Variants in CFAP46 observed in about 807,000 individuals in gnomAD.
CFAP46 encodes cilia- and flagella-associated protein 46.
CFAP46 carries 245 observed loss-of-function variants against 325.7 expected under a neutral mutation model. That is an observed-to-expected ratio of 0.75 (90% CI 0.68 to 0.84). CFAP46 has a LOEUF of 0.84. CFAP46 is among the 40% of genes least tolerant of loss of function. The pLI is 0.00. For missense variants in CFAP46, 3,346 were observed against 3,543.0 expected (o/e 0.94, Z 1.41); for synonymous variants, 1,523 against 1,495.9 (o/e 1.02, Z -0.42).
intron 44 of CFAP46, among the ~76,000 whole-genome samples, chr10:132,843,789 T>C (rs1848386946): frequency 2.9e-5 from 3 of 104,944 alleles, no homozygotes; most frequent in South Asian, 4.3e-4. Context: ...CAGGGTGCTG[T>C]GGGGCTCTGG....
intron 50 of CFAP46, among the ~76,000 whole-genome samples, chr10:132,821,673 T>G (rs1220154922): frequency 2.2e-5 from 3 of 139,436 alleles, no homozygotes; most frequent in East Asian, 4.6e-4. Context: ...GTGTGTGCTG[T>G]GTGTGCTGAT....
intron 41 of CFAP46, among the ~76,000 whole-genome samples, chr10:132,849,227 C>T (rs1380582311): frequency 2.6e-5 from 4 of 152,252 alleles, no homozygotes; most frequent in Non-Finnish European, 5.9e-5. Flanking sequence ...TTCTGGTCCA[C>T]ACCCACCCGC....
chr10:132,867,667 C>T (rs1466725616), intron 33 of CFAP46, among the ~76,000 whole-genome samples, 160 bp from the exon 34 acceptor site: 3 of 152,200 alleles, frequency 2.0e-5, no homozygotes, highest in South Asian at 2.1e-4. Context: ...ACGGCACATC[C>T]GACTCCCAAA....
At chr10:132,870,591 G>A (rs1403483391) in intron 32 of CFAP46, among the ~76,000 whole-genome samples, 3 of 152,176 alleles carry the variant, frequency 2.0e-5, no homozygotes, top group African/African-American at 4.8e-5. Context: ...GGTCTGCGCC[G>A]AAGATCAAAC....
In CFAP46 at chr10:132,866,977, C is replaced by T. The variant is rs543142786; in HGVS notation, c.4743+398G>A. ...CACCTTCTCTCAGCCTCTGCCCAGG[C>T]GCCCAGCAGGCCTGTTCCAGGGAGG... On this transcript the variant is annotated intron_variant, in intron 34 of 57. Coordinates refer to ENST00000368586, the MANE Select transcript of CFAP46 (RefSeq NM_001200049.3). Among the ~76,000 whole-genome samples the T allele has an allele frequency of 7.2e-5, 11 of 152,312 alleles. No homozygotes were observed. In the South Asian group the frequency reaches 8.3e-4, roughly 11 times the overall value.
At chr10:132,870,208 G>A (rs917827601) in intron 32 of CFAP46, among the ~76,000 whole-genome samples, 4 of 152,076 alleles carry the variant, frequency 2.6e-5, no homozygotes, top group South Asian at 2.1e-4. Flanking sequence ...TAAATGTCCC[G>A]TGGGCTCTGA....
At chr10:132,922,274 C>A in intron 12 of CFAP46, 50 bp from the exon 13 acceptor site, 1 of 1,523,878 alleles carries the variant, frequency 6.6e-7, no homozygotes, top group South Asian at 1.2e-5. Context: ...CTTTCCACAG[C>A]ACCTTCTCCA....
At chr10:132,937,393 C>T (rs1178781478) in intron 6 of CFAP46, 159 bp downstream of exon 6, 9 of 797,282 alleles carry the variant, frequency 1.1e-5, no homozygotes, top group Non-Finnish European at 9.9e-6. Context: ...GGATGAACTG[C>T]TATTTCTTTT....
intron 28 of CFAP46, 131 bp from the exon 29 acceptor site, chr10:132,879,762 C>T: frequency 1.1e-6 from 1 of 930,862 alleles, no homozygotes. Context: ...CTCCACTCTG[C>T]TGAGGGCCGG....
At chr10:132,845,965 G>A (rs1848427618) in intron 44 of CFAP46, 92 bp downstream of exon 44, 1 of 1,374,762 alleles carries the variant, frequency 7.3e-7, no homozygotes, top group Non-Finnish European at 9.8e-7. Context: ...GAGCAAGGCT[G>A]CCTCGCTCAG....
At chr10:132,837,026 T>C in intron 44 of CFAP46, 112 bp from the exon 45 acceptor site, 1 of 821,680 alleles carries the variant, frequency 1.2e-6, no homozygotes, top group Non-Finnish European at 2.0e-6. Context: ...GGGGGCTTTG[T>C]ACCCTTCCTG....
intron 11 of CFAP46, among the ~76,000 whole-genome samples, chr10:132,923,937 C>CAGGG (rs1849766959): frequency 6.6e-6 from 1 of 152,118 alleles, no homozygotes; most frequent in Non-Finnish European, 1.5e-5. Flanking sequence ...TAGAAAAATT[C>CAGGG]AGGGAGCCCC....
intron 44 of CFAP46, among the ~76,000 whole-genome samples, chr10:132,840,923 G>A (rs1848336451): frequency 1.3e-5 from 2 of 152,154 alleles, no homozygotes; most frequent in South Asian, 4.1e-4. Flanking sequence ...AGTCCGGGGT[G>A]GCACAGGGCA....
chr10:132,936,922 T>C, intron 7 of CFAP46, 39 bp downstream of exon 7: 1 of 1,292,710 alleles, frequency 7.7e-7, no homozygotes, highest in Non-Finnish European at 1.1e-6. Flanking sequence ...CCAGCACTTG[T>C]GAAACTCAGT....
intron 19 of CFAP46, among the ~76,000 whole-genome samples, chr10:132,910,290 G>A (rs1038905128): frequency 1.3e-5 from 2 of 152,208 alleles, no homozygotes; most frequent in Non-Finnish European, 1.5e-5. Flanking sequence ...CCTCCAGTGC[G>A]CCCCGGCCCT....
chr10:132,929,267 G>A (rs1348332796), intron 9 of CFAP46: 8 of 582,640 alleles, frequency 1.4e-5, no homozygotes, highest in Middle Eastern at 8.9e-4. Context: ...TGATGTGGCT[G>A]TGGCCTCTCC....
At chr10:132,921,681 T>G (rs1849724082) in intron 13 of CFAP46, among the ~76,000 whole-genome samples, 1 of 152,234 alleles carries the variant, frequency 6.6e-6, no homozygotes, top group African/African-American at 2.4e-5. Context: ...CCAATCTGAC[T>G]GGTGTCCTTC....
intron 50 of CFAP46, among the ~76,000 whole-genome samples, chr10:132,822,423 GGTGATGTGTGCTGTGTGTGCA>G (rs1472996338): frequency 2.1e-5 from 3 of 142,860 alleles, no homozygotes; most frequent in Middle Eastern, 4.1e-3. Flanking sequence ...CTGTGTGTGT[GGTGATGTGTGCTGTGTGTGCA>G]GTGATGTGTG....
chr10:132,876,192 G>A lies in CFAP46; in HGVS notation c.4362+620C>T, dbSNP rs558266141. 1.9e-4 allele frequency among the ~76,000 whole-genome samples: 29 copies of A among 152,372 alleles called. No individual in the cohort carries two copies. Among genetic ancestry groups the A allele is most frequent in the Non-Finnish European group, 3.8e-4 (26 of 68,040 alleles). On this transcript the variant is annotated intron_variant, in intron 31 of 57. Transcript: ENST00000368586. This position sits in a 1 kb window ranked among gnomAD's most constrained non-coding sequence, Gnocchi z 4.1. ...CCGGCTGCTGATATTGAGGGGAGTG[G>A]CATCAGCAGGGATCTGCGCAGGGCC...
Sources: allele counts gnomAD v4.1 joint callset (sites outside exome capture counted in the v4.1 genomes callset), GRCh38; gene constraint gnomAD v4.1.1; non-coding constraint Gnocchi (gnomAD v3.1); transcripts MANE v1.5; gene names NCBI Gene and HGNC (gene_info 2026-07-23, HGNC 2026-07-21).